Variants in BRINP2 observed in about 807,000 individuals in gnomAD.
BRINP2 encodes the protein BMP/retinoic acid inducible neural specific 2.
In BRINP2, 21 loss-of-function variants were observed where a neutral mutation model predicts 69.2. That is an observed-to-expected ratio of 0.30 (90% confidence interval 0.22 to 0.44). BRINP2 has a LOEUF of 0.44. Among genes scored for constraint, BRINP2 ranks in the 20% least tolerant of loss-of-function variants. BRINP2 has a pLI of 1.00. For synonymous variants in BRINP2, 380 were observed against 394.1 expected, an observed-to-expected ratio of 0.96 and a Z score of 0.42; for missense variants, 877 against 986.0, an observed-to-expected ratio of 0.89 and a Z score of 1.48.
At chr1:177,231,866 G>A (rs1180596831) in intron 2 of BRINP2, among the ~76,000 whole-genome samples, 1 of 152,024 alleles carries the variant, frequency 6.6e-6, no homozygotes, top group African/African-American at 2.4e-5. Flanking sequence ...GAGGAACAGA[G>A]TAGAGGGTTA....
intron 1 of BRINP2, among the ~76,000 whole-genome samples, chr1:177,216,785 T>G (rs1016796115): frequency 2.6e-5 from 4 of 151,656 alleles, no homozygotes; most frequent in African/African-American, 7.2e-5. Context: ...GGTAGTTTTT[T>G]TTTTTTTTTT....
chr1:177,251,890 C>T (rs1650595510), intron 2 of BRINP2, among the ~76,000 whole-genome samples: 1 of 152,102 alleles, frequency 6.6e-6, no homozygotes, highest in South Asian at 2.1e-4. Context: ...ATGTCTTTTT[C>T]CCCTAGCAAT....
intron 4 of BRINP2, among the ~76,000 whole-genome samples, chr1:177,260,574 G>T (rs1394773289): frequency 6.6e-6 from 1 of 152,126 alleles, no homozygotes; most frequent in African/African-American, 2.4e-5. Context: ...CTTCATTGTT[G>T]TCTTAGTTTA....
At chr1:177,181,921 G>T (rs1017315926) in intron 1 of BRINP2, among the ~76,000 whole-genome samples, 2 of 152,228 alleles carry the variant, frequency 1.3e-5, no homozygotes, top group Non-Finnish European at 2.9e-5. Context: ...TCTTGCCCCG[G>T]AGGTTGCCGA....
At chr1:177,236,954 G>A (rs1049399594) in intron 2 of BRINP2, among the ~76,000 whole-genome samples, 3 of 151,536 alleles carry the variant, frequency 2.0e-5, no homozygotes, top group Non-Finnish European at 2.9e-5. Context: ...GAAGAGGCAT[G>A]TCATTTTCTA....
At chr1:177,273,364 G>C in intron 4 of BRINP2, 124 bp from the exon 5 acceptor site, 1 of 537,226 alleles carries the variant, frequency 1.9e-6, no homozygotes, top group Non-Finnish European at 3.3e-6. Context: ...GAAAAGGGAC[G>C]TATCACTTCT....
At position 177,171,096 on chromosome 1, in the gene BRINP2, G is replaced by T. The variant is rs1235286748; in HGVS notation, c.-713G>T. 6.6e-6 allele frequency among the ~76,000 whole-genome samples: 1 copy of T among 152,240 alleles called. No individual in the cohort carries two copies. ...GGCAGCGCTTACGCTGAGCTCGGAG[G>T]ATCCCATTAGGACTTGCCCGGGGAT... is the stretch of plus-strand genomic sequence containing the variant. On this transcript the variant is annotated 5_prime_UTR_variant, in exon 1 of 8. Transcript: ENST00000361539.
At chr1:177,268,818 G>A (rs1171467089) in intron 4 of BRINP2, among the ~76,000 whole-genome samples, 3 of 152,166 alleles carry the variant, frequency 2.0e-5, no homozygotes, top group Non-Finnish European at 4.4e-5. Flanking sequence ...CTTGAGAGGT[G>A]AAGGCAGACT....
chr1:177,281,699 T>G lies in BRINP2; in HGVS notation c.*171T>G. ...AAGCAGGCGAGAGAGAAACAGCTAC[T>G]GCGTGCGTGCGCGCACGCATACACA... On this transcript the variant is annotated 3_prime_UTR_variant, in exon 8 of 8. Transcript: ENST00000361539. 1 of 772,080 alleles carries G rather than the reference T, an allele frequency of 1.3e-6. No individual in the cohort carries two copies. Among genetic ancestry groups the G allele is most frequent in the South Asian group, 1.9e-5 (1 of 53,836 alleles). The allele number at this position is 772,080 out of a possible 1,614,324, so 47.8% of individuals were successfully genotyped here.
At chr1:177,203,195 G>A (rs1021003447) in intron 1 of BRINP2, among the ~76,000 whole-genome samples, 2 of 151,882 alleles carry the variant, frequency 1.3e-5, no homozygotes, top group African/African-American at 4.9e-5. Flanking sequence ...GATGAAGCTG[G>A]AAACCATCAT....
intron 1 of BRINP2, among the ~76,000 whole-genome samples, chr1:177,213,046 G>A (rs574363522): frequency 6.6e-6 from 1 of 152,294 alleles, no homozygotes; most frequent in South Asian, 2.1e-4. Flanking sequence ...GTCCTATTAA[G>A]CATGAACCCA....
intron 1 of BRINP2, among the ~76,000 whole-genome samples, chr1:177,205,545 C>A (rs1222087143): frequency 6.6e-6 from 1 of 152,196 alleles, no homozygotes; most frequent in African/African-American, 2.4e-5. Context: ...TAACCTTGAT[C>A]TGGAACCAAA....
chr1:177,222,503 G>A (rs1219259324), intron 1 of BRINP2, among the ~76,000 whole-genome samples: 1 of 151,878 alleles, frequency 6.6e-6, no homozygotes, highest in Admixed American at 6.6e-5. Flanking sequence ...GAAGAGACAG[G>A]GTTTCACCAG....
chr1:177,184,309 C>T (rs1648363693), intron 1 of BRINP2, among the ~76,000 whole-genome samples: 1 of 152,080 alleles, frequency 6.6e-6, no homozygotes, highest in Admixed American at 6.6e-5. Context: ...TCTCCCCTCC[C>T]CTTACTTTTC....
intron 1 of BRINP2, among the ~76,000 whole-genome samples, chr1:177,227,586 A>C (rs1414175108): frequency 2.6e-5 from 4 of 151,692 alleles, no homozygotes; most frequent in African/African-American, 9.7e-5. Context: ...TACAAAGCCG[A>C]TTCCTCTTTT....
chr1:177,278,169 A>C (rs911172343), intron 6 of BRINP2, among the ~76,000 whole-genome samples: 2 of 152,056 alleles, frequency 1.3e-5, no homozygotes, highest in Non-Finnish European at 2.9e-5. Context: ...CACATGTTCC[A>C]TATGGGTTTT....
chr1:177,187,895 T>C (rs1648475408), intron 1 of BRINP2, among the ~76,000 whole-genome samples: 1 of 152,206 alleles, frequency 6.6e-6, no homozygotes, highest in South Asian at 2.1e-4. Flanking sequence ...TAAAAAATAA[T>C]CCATGGATTC....
intron 1 of BRINP2, among the ~76,000 whole-genome samples, chr1:177,186,099 A>G (rs1648416881): frequency 6.6e-6 from 1 of 152,324 alleles, no homozygotes; most frequent in African/African-American, 2.4e-5. Context: ...TCCTGTGCCT[A>G]CCAAATCCTA....
chr1:177,273,472 C>A lies in BRINP2; in HGVS notation c.670-16C>A. 3 of 1,578,950 alleles carry A rather than the reference C, an allele frequency of 1.9e-6. No individual in the cohort carries two copies. Among genetic ancestry groups the A allele is most frequent in the Non-Finnish European group, 2.6e-6 (3 of 1,156,918 alleles). On this transcript the variant is annotated splice_polypyrimidine_tract_variant and intron_variant, in intron 4 of 7. Coordinates refer to ENST00000361539, the MANE Select transcript of BRINP2 (RefSeq NM_021165.4). The stretch of plus-strand genomic sequence containing the variant: ...ACTTGTTATCTAAACCCACTCCCTA[C>A]TCCTTCCTTCTCTAGGTCACCGAGA...
Sources: allele counts gnomAD v4.1 joint callset (sites outside exome capture counted in the v4.1 genomes callset), GRCh38; gene constraint gnomAD v4.1.1; transcripts MANE v1.5; gene names NCBI Gene and HGNC (gene_info 2026-07-23, HGNC 2026-07-21).